Variants in ROBO1 observed in about 807,000 individuals in gnomAD.
ROBO1 encodes roundabout guidance receptor 1, also known as roundabout homolog 1.
A neutral mutation model predicts 195.9 loss-of-function variants in ROBO1; 149 were observed. The observed-to-expected ratio is 0.76, with a 90% confidence interval of 0.67 to 0.87. ROBO1 has a LOEUF of 0.87. ROBO1 is among the 40% of genes least tolerant of loss of function. The pLI is 0.00. For missense variants in ROBO1, 1,933 were observed against 2,068.3 expected (o/e 0.93, Z 1.27); for synonymous variants, 816 against 733.2 (o/e 1.11, Z -1.82).
intron 2 of ROBO1, among the ~76,000 whole-genome samples, chr3:79,319,006 T>C (rs1241149241): frequency 1.3e-5 from 2 of 152,204 alleles, no homozygotes; most frequent in Non-Finnish European, 2.9e-5. Flanking sequence ...AAAGTACAAG[T>C]GCAGTTTTGT....
chr3:78,789,767 T>C (rs901724389), intron 4 of ROBO1, among the ~76,000 whole-genome samples: 9 of 152,188 alleles, frequency 5.9e-5, no homozygotes, highest in Non-Finnish European at 1.5e-5. Flanking sequence ...CAGGGACTTT[T>C]AGTTCATTAA....
intron 1 of ROBO1, among the ~76,000 whole-genome samples, chr3:79,651,100 A>T (rs1246745449): frequency 2.0e-5 from 3 of 152,076 alleles, no homozygotes; most frequent in African/African-American, 7.2e-5. Flanking sequence ...GCATGTTATT[A>T]AATAACATGC....
chr3:79,062,611 A>G (rs2078939008), intron 3 of ROBO1, among the ~76,000 whole-genome samples: 1 of 152,194 alleles, frequency 6.6e-6, no homozygotes. Context: ...ATGTCCATCA[A>G]TGATGGACTG....
intron 21 of ROBO1, among the ~76,000 whole-genome samples, chr3:78,640,626 C>G (rs1705880343): frequency 6.6e-6 from 1 of 152,198 alleles, no homozygotes; most frequent in Non-Finnish European, 1.5e-5. Context: ...TGCTATTCCT[C>G]TTTTACTGTG....
intron 2 of ROBO1, among the ~76,000 whole-genome samples, chr3:79,334,324 ATATATATGTG>A (rs2034571981): frequency 7.6e-5 from 11 of 145,544 alleles, no homozygotes; most frequent in African/African-American, 2.7e-4. Context: ...ATATATATAT[ATATATATGTG>A]TATATATATG....
At chr3:79,437,047 T>C (rs1443757362) in intron 2 of ROBO1, among the ~76,000 whole-genome samples, 1 of 152,076 alleles carries the variant, frequency 6.6e-6, no homozygotes, top group East Asian at 1.9e-4. Flanking sequence ...AAAACATGCA[T>C]CGTAACGGTT....
chr3:78,962,070 A>G (rs1350947671), intron 3 of ROBO1, among the ~76,000 whole-genome samples: 2 of 152,186 alleles, frequency 1.3e-5, no homozygotes, highest in Admixed American at 1.3e-4. Flanking sequence ...TTTCCAAACA[A>G]AGGAAAACTA....
intron 1 of ROBO1, among the ~76,000 whole-genome samples, chr3:79,677,181 T>C (rs1353813912): frequency 1.3e-5 from 2 of 151,954 alleles, no homozygotes; most frequent in African/African-American, 4.8e-5. Context: ...GAGATGTCAG[T>C]TCCATAATTA....
intron 4 of ROBO1, among the ~76,000 whole-genome samples, chr3:78,853,319 C>T (rs1266634370): frequency 6.6e-6 from 1 of 151,758 alleles, no homozygotes; most frequent in Non-Finnish European, 1.5e-5. Context: ...AATACACATA[C>T]ACACTCTCTA....
intron 2 of ROBO1, among the ~76,000 whole-genome samples, chr3:79,303,357 G>T (rs1328411865): frequency 6.6e-6 from 1 of 151,788 alleles, no homozygotes; most frequent in East Asian, 1.9e-4. Context: ...GCAGAGACGG[G>T]GTTTCGCCAC....
intron 8 of ROBO1, among the ~76,000 whole-genome samples, chr3:78,705,587 A>C (rs1021884496): frequency 6.6e-6 from 1 of 152,176 alleles, no homozygotes; most frequent in Non-Finnish European, 1.5e-5. Flanking sequence ...TTATGTGTCC[A>C]TTTGAGTGGG....
rs183418165 is a variant in ROBO1, at chr3:79,506,319, G to A, written c.88+83505C>T. 2.1e-3 allele frequency among the ~76,000 whole-genome samples: 321 copies of A among 152,184 alleles called. 3 individuals are homozygous for A. The highest frequency in any genetic ancestry group is 6.2e-3 in the African/African-American group (258 of 41,522). On this transcript the variant is annotated intron_variant, in intron 2 of 30. Transcript: ENST00000464233. ...AATCGTAAGATGCCTAACCAGCAAC[G>A]GGGTGAATAGAAGTAAGAGATAATG...
At chr3:78,893,238 A>G (rs1179263141) in intron 4 of ROBO1, among the ~76,000 whole-genome samples, 1 of 152,208 alleles carries the variant, frequency 6.6e-6, no homozygotes, top group Non-Finnish European at 1.5e-5. Flanking sequence ...CGAAGCTGTT[A>G]TGGGGTGATT....
At chr3:79,247,127 C>CTTTTTT (rs1484743424) in intron 2 of ROBO1, among the ~76,000 whole-genome samples, 1 of 127,750 alleles carries the variant, frequency 7.8e-6, no homozygotes, top group African/African-American at 3.5e-5. Context: ...CTCCTGTTTA[C>CTTTTTT]TGTTTTTTTT....
At chr3:79,713,245 C>T (rs1436254855) in intron 1 of ROBO1, among the ~76,000 whole-genome samples, 1 of 151,946 alleles carries the variant, frequency 6.6e-6, no homozygotes, top group Non-Finnish European at 1.5e-5. Context: ...TTTTCTGCAG[C>T]CATGGATCAA....
intron 4 of ROBO1, among the ~76,000 whole-genome samples, chr3:78,763,283 T>C (rs1001030080): frequency 1.3e-5 from 2 of 152,166 alleles, no homozygotes; most frequent in African/African-American, 2.4e-5. Flanking sequence ...TTTTTCTTTT[T>C]TGGTATCCTA....
intron 1 of ROBO1, among the ~76,000 whole-genome samples, chr3:79,594,955 T>A (rs992704992): frequency 6.6e-6 from 1 of 152,004 alleles, no homozygotes; most frequent in Non-Finnish European, 1.5e-5. Context: ...TATTGAAAGG[T>A]AATATATTTA....
intron 2 of ROBO1, among the ~76,000 whole-genome samples, chr3:79,257,083 C>T (rs565023820): frequency 7.9e-5 from 12 of 152,204 alleles, no homozygotes; most frequent in South Asian, 2.1e-4. Flanking sequence ...GGATAACTAA[C>T]GGTGTCACTT....
intron 2 of ROBO1, among the ~76,000 whole-genome samples, chr3:79,207,759 A>T (rs997921604): frequency 6.6e-6 from 1 of 151,758 alleles, no homozygotes; most frequent in Non-Finnish European, 1.5e-5. Context: ...AGAGTCATAT[A>T]AGATTGAATT....
Sources: allele counts gnomAD v4.1 joint callset (sites outside exome capture counted in the v4.1 genomes callset), GRCh38; gene constraint gnomAD v4.1.1; transcripts MANE v1.5; gene names NCBI Gene and HGNC (gene_info 2026-07-23, HGNC 2026-07-21).